Variants in DAB2 observed in about 807,000 individuals in gnomAD.
The protein encoded by DAB2 is disabled homolog 2.
In DAB2, 28 loss-of-function variants were observed where a neutral mutation model predicts 71.6. The ratio of observed to expected loss-of-function variants is 0.39; its 90% confidence interval spans 0.29 to 0.54. The LOEUF (loss-of-function observed/expected upper bound fraction) is 0.54. DAB2 is among the 20% of genes least tolerant of loss of function. DAB2 has a pLI of 0.68. For synonymous variants in DAB2, 345 were observed against 339.7 expected (o/e 1.02, Z -0.17); for missense variants, 867 against 928.8 (o/e 0.93, Z 0.86).
chr5:39,384,372 T>G (rs1017122661), intron 9 of DAB2, among the ~76,000 whole-genome samples: 3 of 152,234 alleles, frequency 2.0e-5, no homozygotes, highest in African/African-American at 7.2e-5. Flanking sequence ...AACAATATGC[T>G]GTAATAAAAG....
intron 9 of DAB2, 187 bp downstream of exon 9, chr5:39,388,118 A>T: frequency 1.8e-6 from 1 of 560,428 alleles, no homozygotes. Flanking sequence ...ATATAACTGA[A>T]TTAGTGTGGA....
chr5:39,414,883 A>G (rs1212018933), intron 1 of DAB2, among the ~76,000 whole-genome samples: 3 of 152,038 alleles, frequency 2.0e-5, no homozygotes, highest in Non-Finnish European at 4.4e-5. Context: ...AACACCTACT[A>G]TTTGCCAAGC....
chr5:39,379,110 G>A (rs1223108782), intron 11 of DAB2, among the ~76,000 whole-genome samples: 2 of 152,156 alleles, frequency 1.3e-5, no homozygotes, highest in African/African-American at 4.8e-5. Context: ...TGGACAACTT[G>A]TCTTCATTTA....
At chr5:39,404,424 AT>A (rs138107037) in intron 1 of DAB2, among the ~76,000 whole-genome samples, 47,964 of 144,796 alleles carry the variant, frequency 0.33, 8,987 homozygotes, top group Non-Finnish European at 0.42. Flanking sequence ...AATTAAAAAA[AT>A]AAATAAATAA....
chr5:39,372,209 T>A lies in DAB2; in HGVS notation c.*1222A>T, dbSNP rs1754715965. ...GGACTGAAAATGAACTGGGAACGTT[T>A]CCAAGTTGTGAGGAGAAAAATATTG... On this transcript the variant is annotated 3_prime_UTR_variant, in exon 15 of 15. Transcript: ENST00000320816. The A allele has an allele frequency of 6.6e-6, 1 of 152,216 alleles. No homozygotes were observed. 9.4% of individuals were successfully genotyped at this position (152,216 alleles called of 1,614,324 possible).
rs571555452 is a variant in DAB2, at chr5:39,390,833, C to T, written c.331-258G>A. Among the ~76,000 whole-genome samples, 9 of 152,280 alleles carry T rather than the reference C, an allele frequency of 5.9e-5. No individual in the cohort carries two copies. In the East Asian group the frequency reaches 1.7e-3, roughly 29 times the overall value. The stretch of plus-strand genomic sequence containing the variant: ...TACTTTACTCTCCCTGCTTTAAAGA[C>T]ATGATGCCACATAGCCAGGAAGGAC... On this transcript the variant is annotated intron_variant, in intron 4 of 14. Transcript: ENST00000320816.
At chr5:39,423,833 G>C (rs1478375252) in intron 1 of DAB2, 2 of 151,924 alleles carry the variant, frequency 1.3e-5, no homozygotes, top group Non-Finnish European at 2.9e-5. Flanking sequence ...GTCTTTCCAT[G>C]TGTCTGGAAG....
chr5:39,399,233 A>G (rs1755444049), intron 1 of DAB2, among the ~76,000 whole-genome samples: 1 of 152,122 alleles, frequency 6.6e-6, no homozygotes, highest in Non-Finnish European at 1.5e-5. Flanking sequence ...CTTCAGTTCA[A>G]AAAGTGCAAA....
rs1400933406 is a variant in DAB2, at chr5:39,382,996, T to C, written c.963A>G (p.Lys321=). ...GAGTAGACGAGCTACTCGAATTCTCTTTCTTCTGATCTGGAGATTTGAGAG... is the reference window on the plus strand; with the variant it reads ...GAGTAGACGAGCTACTCGAATTCTCCTTCTTCTGATCTGGAGATTTGAGAG... ...FDSLKSPDQK[K]ENSSSSSTPL... The change falls in exon 10 of 15, where the codon AAA becomes AAG. Residue 321 remains lysine, a synonymous_variant. Transcript: ENST00000320816. 1.9e-6 allele frequency: 3 copies of C among 1,614,178 alleles called. No individual in the cohort carries two copies. The highest frequency in any genetic ancestry group is 2.2e-5 in the South Asian group (2 of 91,076).
intron 11 of DAB2, among the ~76,000 whole-genome samples, chr5:39,381,068 C>T (rs1207811306): frequency 6.6e-6 from 1 of 152,142 alleles, no homozygotes; most frequent in Non-Finnish European, 1.5e-5. Flanking sequence ...CATAGGCCTT[C>T]GATCTATTAT....
At position 39,377,216 on chromosome 5, in the gene DAB2, G is replaced by A; in HGVS notation, c.1571C>T (p.Ser524Phe). The A allele has an allele frequency of 3.1e-6, 5 of 1,614,172 alleles. No individual in the cohort carries two copies. The Middle Eastern group carries it at 6.6e-4, about 213-fold the overall frequency. ...CATGGCTCCCGGAGCCATTGAAGGG[G>A]ACTGATTGAAGACCAAAGATGCTGT... ...WNTASLVFNQ[S>F]PSMAPGAMMG... Residue 524 changes from serine (S) to phenylalanine (F), a missense_variant, in exon 12 of 15, where the codon TCC becomes TTC. By Grantham distance (155) the Ser-to-Phe change is radical. Transcript: ENST00000320816.
chr5:39,375,226 G>A (rs1579896512), intron 13 of DAB2, 142 bp from the exon 14 acceptor site: 5 of 600,534 alleles, frequency 8.3e-6, no homozygotes, highest in Non-Finnish European at 1.5e-5. Context: ...GGCTTACAGT[G>A]TTTTGTTTTC....
At chr5:39,407,523 A>G (rs1260372992) in intron 1 of DAB2, among the ~76,000 whole-genome samples, 1 of 152,210 alleles carries the variant, frequency 6.6e-6, no homozygotes, top group Non-Finnish European at 1.5e-5. Flanking sequence ...TTTAAAATGA[A>G]TGATACAAAT....
intron 1 of DAB2, among the ~76,000 whole-genome samples, chr5:39,407,568 T>C (rs569698764): frequency 6.6e-6 from 1 of 152,350 alleles, no homozygotes; most frequent in East Asian, 1.9e-4. Flanking sequence ...TATACAACAT[T>C]AGGTTGTGCA....
At chr5:39,382,171 T>A (rs997733647) in intron 10 of DAB2, among the ~76,000 whole-genome samples, 1 of 152,134 alleles carries the variant, frequency 6.6e-6, no homozygotes, top group African/African-American at 2.4e-5. Flanking sequence ...TTACTCAGTA[T>A]TTAAAAGAGG....
intron 9 of DAB2, among the ~76,000 whole-genome samples, chr5:39,387,348 T>C (rs1351307895): frequency 6.6e-6 from 1 of 152,200 alleles, no homozygotes; most frequent in African/African-American, 2.4e-5. Context: ...TGTCTGTTTA[T>C]TGCCTTCTCA....
At chr5:39,375,331 C>T (rs1754800050) in intron 13 of DAB2, among the ~76,000 whole-genome samples, 2 of 152,110 alleles carry the variant, frequency 1.3e-5, no homozygotes, top group Admixed American at 6.5e-5. Context: ...ATTATTTTCA[C>T]AGGCTATAGA....
intron 5 of DAB2, 65 bp from the exon 6 acceptor site, chr5:39,389,997 A>G: frequency 8.8e-7 from 1 of 1,141,946 alleles, no homozygotes; most frequent in South Asian, 1.6e-5. Flanking sequence ...TTTGTCTGCT[A>G]TCAATTATAA....
At chr5:39,420,660 T>A (rs1214991441) in intron 1 of DAB2, among the ~76,000 whole-genome samples, 1 of 152,232 alleles carries the variant, frequency 6.6e-6, no homozygotes, top group Admixed American at 6.5e-5. Context: ...TCATAAGCTT[T>A]CATGTTTTGC....
Sources: allele counts gnomAD v4.1 joint callset (sites outside exome capture counted in the v4.1 genomes callset), GRCh38; gene constraint gnomAD v4.1.1; transcripts MANE v1.5; gene names NCBI Gene and HGNC (gene_info 2026-07-23, HGNC 2026-07-21).